The following NXPH2 variants were observed in gnomAD, a reference collection of about 807,000 sequenced individuals.
The protein encoded by NXPH2 is neurexophilin 2, also known as neurexophilin-2.
Under a neutral mutation model 19.8 loss-of-function variants are expected in NXPH2, and 5 were observed. The ratio of observed to expected loss-of-function variants is 0.25; its 90% CI spans 0.13 to 0.53. The LOEUF (loss-of-function observed/expected upper bound fraction) is 0.53. Among genes scored for constraint, NXPH2 ranks in the 20% least tolerant of loss-of-function variants. The pLI is 0.96. For synonymous variants in NXPH2, 154 were observed against 127.4 expected (o/e 1.21, Z -1.41); for missense variants, 289 against 322.8 (o/e 0.90, Z 0.80).
chr2:138,746,754 C>G (rs114956851), intron 1 of NXPH2, among the ~76,000 whole-genome samples: 1 of 152,194 alleles, frequency 6.6e-6, no homozygotes, highest in Non-Finnish European at 1.5e-5. Flanking sequence ...CAAATTCCTA[C>G]CATCAATTTC....
intron 1 of NXPH2, among the ~76,000 whole-genome samples, chr2:138,722,017 G>A (rs913088488): frequency 6.6e-6 from 1 of 152,220 alleles, no homozygotes; most frequent in Non-Finnish European, 1.5e-5. Context: ...CAGACTGGGA[G>A]TTGAATGCTA....
intron 1 of NXPH2, among the ~76,000 whole-genome samples, chr2:138,712,712 CA>C (rs1681123224): frequency 6.6e-6 from 1 of 152,154 alleles, no homozygotes; most frequent in South Asian, 2.1e-4. Context: ...TACTGTTCCA[CA>C]AAGCATTGGC....
At chr2:138,730,438 A>T (rs1425506963) in intron 1 of NXPH2, among the ~76,000 whole-genome samples, 2 of 152,074 alleles carry the variant, frequency 1.3e-5, no homozygotes, top group Non-Finnish European at 2.9e-5. Flanking sequence ...TCAACATATG[A>T]ATTTTGGGGG....
intron 1 of NXPH2, among the ~76,000 whole-genome samples, chr2:138,746,129 G>A (rs1681730073): frequency 6.6e-6 from 1 of 152,176 alleles, no homozygotes; most frequent in Admixed American, 6.5e-5. Context: ...ATTCTAAGAA[G>A]GTGTTAGAGG....
intron 1 of NXPH2, among the ~76,000 whole-genome samples, chr2:138,686,699 C>A (rs1680660547): frequency 1.3e-5 from 2 of 152,134 alleles, no homozygotes; most frequent in Non-Finnish European, 1.5e-5. Flanking sequence ...TATCCCTCCC[C>A]ACTCCTCCCA....
At chr2:138,758,643 A>G (rs1681952002) in intron 1 of NXPH2, among the ~76,000 whole-genome samples, 1 of 152,204 alleles carries the variant, frequency 6.6e-6, no homozygotes, top group Non-Finnish European at 1.5e-5. Context: ...TTGTCAAGTT[A>G]TATGCTTGCA....
intron 1 of NXPH2, among the ~76,000 whole-genome samples, chr2:138,726,624 T>A (rs150243881): frequency 0.02 from 2,987 of 152,120 alleles, 97 homozygotes; most frequent in African/African-American, 0.068. Flanking sequence ...GTGTTTTTTT[T>A]AAATAGGCTT....
At chr2:138,675,280 G>A (rs750739078) in intron 1 of NXPH2, among the ~76,000 whole-genome samples, 1 of 151,720 alleles carries the variant, frequency 6.6e-6, no homozygotes, top group South Asian at 2.1e-4. Flanking sequence ...ATTTTTTTCT[G>A]CCTGGTTCAT....
intron 1 of NXPH2, among the ~76,000 whole-genome samples, chr2:138,714,388 T>A (rs187274781): frequency 1.4e-3 from 215 of 152,338 alleles, no homozygotes; most frequent in African/African-American, 5.0e-3. Flanking sequence ...AATGGATATA[T>A]CTTTTTAAGC....
intron 1 of NXPH2, among the ~76,000 whole-genome samples, chr2:138,687,440 C>T (rs1345457717): frequency 6.6e-6 from 1 of 151,832 alleles, no homozygotes; most frequent in Non-Finnish European, 1.5e-5. Flanking sequence ...TTTGTAGATT[C>T]TGGATATTAG....
intron 1 of NXPH2, among the ~76,000 whole-genome samples, chr2:138,712,747 C>G (rs1430432574): frequency 6.6e-6 from 1 of 152,134 alleles, no homozygotes; most frequent in African/African-American, 2.4e-5. Flanking sequence ...ACCACAAAGT[C>G]CACTGCACTA....
chr2:138,672,984 T>C (rs1680435391), intron 1 of NXPH2, among the ~76,000 whole-genome samples: 1 of 152,202 alleles, frequency 6.6e-6, no homozygotes, highest in Non-Finnish European at 1.5e-5. Context: ...TTTCCACCTA[T>C]GTCTAGTCCC....
chr2:138,777,090 CT>C (rs1682274838), intron 1 of NXPH2, among the ~76,000 whole-genome samples: 2 of 151,984 alleles, frequency 1.3e-5, no homozygotes, highest in South Asian at 4.2e-4. Flanking sequence ...AAAATTTATT[CT>C]TTTTTTAATC....
Position 138,735,130 on chromosome 2 carries a change from G to A in NXPH2, c.51+45061C>T, listed in dbSNP as rs1008768531. Among the ~76,000 whole-genome samples, 30 of 152,168 alleles carry A rather than the reference G, an allele frequency of 2.0e-4. 3 individuals carry two copies. Among genetic ancestry groups the A allele is most frequent in the Non-Finnish European group, 2.9e-5 (2 of 68,030 alleles). ...CATGACAATGGATGCCCCTGAACTT[G>A]GGGATGTTGGTTTTTATGAGTTATG... is the stretch of plus-strand genomic sequence containing the variant. On this transcript the variant is annotated intron_variant, in intron 1 of 1. Coordinates refer to ENST00000272641, the MANE Select transcript of NXPH2 (RefSeq NM_007226.3).
chr2:138,690,203 G>A lies in NXPH2; in HGVS notation c.52-18538C>T, dbSNP rs78484761. ...CAACCCAGAGCCTCAAGTTCTTCTT[G>A]ATACCTCCCTCATTTTCACTCTTGA... On this transcript the variant is annotated intron_variant, in intron 1 of 1. Coordinates refer to ENST00000272641, the MANE Select transcript of NXPH2 (RefSeq NM_007226.3). Among the ~76,000 whole-genome samples, 1,340 of 152,204 alleles carry A rather than the reference G, an allele frequency of 8.8e-3. 18 individuals carry two copies. Among genetic ancestry groups the A allele is most frequent in the African/African-American group, 0.031 (1,292 of 41,528 alleles).
At chr2:138,731,504 T>G (rs13013572) in intron 1 of NXPH2, among the ~76,000 whole-genome samples, 30,898 of 151,988 alleles carry the variant, frequency 0.2, 3,691 homozygotes, top group East Asian at 0.53. Context: ...TCTCTGGGCT[T>G]TGACAATTTA....
At chr2:138,719,314 T>C (rs912162064) in intron 1 of NXPH2, among the ~76,000 whole-genome samples, 11 of 152,294 alleles carry the variant, frequency 7.2e-5, no homozygotes, top group African/African-American at 2.6e-4. Context: ...TATATGTCTG[T>C]GTGCATGTAT....
chr2:138,728,446 A>G (rs1175401880), intron 1 of NXPH2, among the ~76,000 whole-genome samples: 1 of 152,230 alleles, frequency 6.6e-6, no homozygotes, highest in East Asian at 1.9e-4. Flanking sequence ...TCCATGTATA[A>G]CAATAACATG....
chr2:138,715,235 A>G (rs1681175915), intron 1 of NXPH2, among the ~76,000 whole-genome samples: 1 of 152,206 alleles, frequency 6.6e-6, no homozygotes. Context: ...AAGTGAGTTT[A>G]GAGTTTGATT....
Sources: allele counts gnomAD v4.1 joint callset (sites outside exome capture counted in the v4.1 genomes callset), GRCh38; gene constraint gnomAD v4.1.1; transcripts MANE v1.5; gene names NCBI Gene and HGNC (gene_info 2026-07-23, HGNC 2026-07-21).